The following DPF3 variants were observed in gnomAD, a reference collection of about 807,000 sequenced individuals.
The protein encoded by DPF3 is zinc finger protein DPF3.
A neutral mutation model predicts 56.8 loss-of-function variants in DPF3; 18 were observed. That is an observed-to-expected ratio of 0.32 (90% CI 0.22 to 0.47). The LOEUF is 0.47. Ranked by LOEUF, DPF3 falls within the 20% of genes least tolerant of loss-of-function variation. DPF3 has a pLI of 1.00. For missense variants in DPF3, 403 were observed against 488.8 expected, an observed-to-expected ratio of 0.82 and a Z score of 1.65; for synonymous variants, 188 against 180.2, an observed-to-expected ratio of 1.04 and a Z score of -0.35.
At chr14:72,822,939 C>T (rs1053359936) in intron 1 of DPF3, among the ~76,000 whole-genome samples, 2 of 152,218 alleles carry the variant, frequency 1.3e-5, no homozygotes, top group Admixed American at 1.3e-4. Context: ...CAACATGACT[C>T]ATGAAGATCT....
chr14:72,771,940 C>T (rs2139944575), intron 1 of DPF3, 47 bp from the exon 2 acceptor site: 2 of 1,415,304 alleles, frequency 1.4e-6, no homozygotes, highest in Non-Finnish European at 1.9e-6. Flanking sequence ...AAGACTGAAA[C>T]ACACCCAGAG....
chr14:72,698,391 G>A (rs1360961231), intron 6 of DPF3, among the ~76,000 whole-genome samples: 1 of 152,198 alleles, frequency 6.6e-6, no homozygotes, highest in East Asian at 1.9e-4. Context: ...TTTCAAAGTA[G>A]GCTAGGGCTG....
chr14:72,813,894 T>C (rs541454449), intron 1 of DPF3, among the ~76,000 whole-genome samples: 13 of 152,262 alleles, frequency 8.5e-5, no homozygotes, highest in South Asian at 6.2e-4. Flanking sequence ...TCCGGCACCA[T>C]AATCAGTGTG....
At chr14:72,813,422 G>C (rs1883146743) in intron 1 of DPF3, among the ~76,000 whole-genome samples, 1 of 152,168 alleles carries the variant, frequency 6.6e-6, no homozygotes. Flanking sequence ...AGCCCCTCTA[G>C]CAAAAGGATC....
chr14:72,892,618 C>T (rs1160259827), intron 1 of DPF3: 35 of 1,205,632 alleles, frequency 2.9e-5, no homozygotes, highest in Non-Finnish European at 3.3e-5. Context: ...TGGTTTTCAA[C>T]TCCAGGAGTG....
intron 2 of DPF3, among the ~76,000 whole-genome samples, chr14:72,757,989 C>CAAAAATA (rs1241900814): frequency 2.7e-5 from 4 of 150,172 alleles, no homozygotes; most frequent in Non-Finnish European, 5.9e-5. Flanking sequence ...AGAGAGAGAG[C>CAAAAATA]AAAAATAAAA....
chr14:72,656,505 C>A (rs1886065797), intron 8 of DPF3, among the ~76,000 whole-genome samples: 1 of 152,176 alleles, frequency 6.6e-6, no homozygotes, highest in African/African-American at 2.4e-5. Context: ...CATCACCTCT[C>A]AAAAAAGTAT....
At chr14:72,862,125 C>T (rs1006302099) in intron 1 of DPF3, among the ~76,000 whole-genome samples, 2 of 152,152 alleles carry the variant, frequency 1.3e-5, no homozygotes, top group Non-Finnish European at 2.9e-5. Context: ...CAGTGGCACA[C>T]GACCTGAGTT....
rs1567270961 is a variant in DPF3, at chr14:72,885,368, G to GT, written c.32+8688_32+8689insA. Among the ~76,000 whole-genome samples the GT allele has an allele frequency of 4.8e-5, 5 of 103,192 alleles. No homozygotes were observed. The East Asian group carries it at 1.4e-3, about 28-fold the overall frequency. 67.7% of individuals were successfully genotyped at this position (103,192 alleles called of 152,430 possible). A position where few individuals can be genotyped will look rare whatever the true frequency, so the allele number is the denominator to read the frequency against. ...CTAGAAATGTAGCCGCTAATTTTTT[G>GT]GGTTTGTTTGTTTGTTTGTTTGTTT... is the stretch of plus-strand genomic sequence containing the variant. On this transcript the variant is annotated intron_variant, in intron 1 of 10. Coordinates refer to ENST00000556509, the MANE Select transcript of DPF3 (RefSeq NM_001280542.3).
intron 1 of DPF3, among the ~76,000 whole-genome samples, chr14:72,815,584 A>G (rs1195978562): frequency 6.6e-6 from 1 of 152,266 alleles, no homozygotes; most frequent in Admixed American, 6.5e-5. Context: ...CCAAGTGCTC[A>G]TCAGTTGGTA....
At chr14:72,722,891 C>T (rs1199951208) in intron 5 of DPF3, among the ~76,000 whole-genome samples, 1 of 152,102 alleles carries the variant, frequency 6.6e-6, no homozygotes, top group Non-Finnish European at 1.5e-5. Context: ...TCCCCAGGCT[C>T]TGGCTTTTTC....
intron 2 of DPF3, among the ~76,000 whole-genome samples, chr14:72,766,033 T>G (rs1891272994): frequency 6.6e-6 from 1 of 152,170 alleles, no homozygotes; most frequent in African/African-American, 2.4e-5. Context: ...AGGATAGATT[T>G]CTAAACACAT....
At chr14:72,814,350 CGA>C (rs149898189) in intron 1 of DPF3, among the ~76,000 whole-genome samples, 11,823 of 152,030 alleles carry the variant, frequency 0.078, 487 homozygotes, top group African/African-American at 0.11. Flanking sequence ...TGTGTGAGAG[CGA>C]GAGAGAGAGT....
At chr14:72,764,357 A>C (rs1238731048) in intron 2 of DPF3, among the ~76,000 whole-genome samples, 1 of 152,002 alleles carries the variant, frequency 6.6e-6, no homozygotes, top group Non-Finnish European at 1.5e-5. Flanking sequence ...TCACCTGGAG[A>C]AGGCATGGAA....
At chr14:72,795,293 AAAATAT>A (rs1191815132) in intron 1 of DPF3, among the ~76,000 whole-genome samples, 231 of 108,006 alleles carry the variant, frequency 2.1e-3, no homozygotes, top group Admixed American at 4.5e-3. Context: ...AAAAAAAAAA[AAAATAT>A]ATATATATAT....
chr14:72,813,956 C>G (rs963682541), intron 1 of DPF3, among the ~76,000 whole-genome samples: 2 of 152,166 alleles, frequency 1.3e-5, no homozygotes, highest in East Asian at 3.9e-4. Flanking sequence ...GAGGCAAAGG[C>G]ATACTTTAAT....
intron 1 of DPF3, among the ~76,000 whole-genome samples, chr14:72,856,895 T>C (rs902862265): frequency 1.3e-5 from 2 of 152,070 alleles, no homozygotes; most frequent in African/African-American, 2.4e-5. Context: ...GGGTATGAAA[T>C]GTGGGGCGAG....
chr14:72,888,569 A>G (rs1004159526), intron 1 of DPF3, among the ~76,000 whole-genome samples: 1 of 152,210 alleles, frequency 6.6e-6, no homozygotes, highest in Non-Finnish European at 1.5e-5. Flanking sequence ...TTCAACAACA[A>G]TCTTTGCAGA....
At chr14:72,620,057 C>A in intron 9 of DPF3, 73 bp from the exon 10 acceptor site, 1 of 1,425,316 alleles carries the variant, frequency 7.0e-7, no homozygotes, top group East Asian at 2.5e-5. Flanking sequence ...CCCCCGCTTA[C>A]CCATCAGCCT....
Sources: gnomAD v4.1 joint callset for allele counts (sites outside exome capture counted in the v4.1 genomes callset) on GRCh38, gnomAD v4.1.1 for gene constraint, MANE v1.5 for transcripts, NCBI Gene and HGNC (gene_info 2026-07-23, HGNC 2026-07-21) for gene names.